The following DACH2 variants were observed in gnomAD, a reference collection of about 807,000 sequenced individuals.
The protein encoded by DACH2 is dachshund homolog 2.
In DACH2, 17 loss-of-function variants were observed where a neutral mutation model predicts 35.8. The ratio of observed to expected loss-of-function variants is 0.48; its 90% confidence interval spans 0.33 to 0.71. The LOEUF (loss-of-function observed/expected upper bound fraction) is 0.71. Among genes scored for constraint, DACH2 ranks in the 30% least tolerant of loss-of-function variants. The probability of loss-of-function intolerance (pLI) is 0.02; values close to 1 mark genes in which losing one functional copy is unlikely to be tolerated. For missense variants in DACH2, 469 were observed against 472.7 expected (o/e 0.99, Z 0.07); for synonymous variants, 195 against 177.3 (o/e 1.10, Z -0.79).
intron 3 of DACH2, among the ~76,000 whole-genome samples, chrX:86,640,086 A>G (rs1010366108): frequency 9.0e-6 from 1 of 110,889 alleles, no homozygotes; most frequent in African/African-American, 3.3e-5. Context: ...GCGGGCCCCA[A>G]GCATACTGCA....
intron 1 of DACH2, among the ~76,000 whole-genome samples, chrX:86,180,977 A>T (rs779256560): frequency 9.0e-6 from 1 of 110,756 alleles, no homozygotes; most frequent in Non-Finnish European, 1.9e-5. Flanking sequence ...TGTGGAAGTG[A>T]AGGGTGAGTC....
chrX:86,219,235 T>C (rs1401513134), intron 1 of DACH2, among the ~76,000 whole-genome samples: 2 of 111,011 alleles, frequency 1.8e-5, no homozygotes, highest in Non-Finnish European at 3.8e-5. Context: ...GTTTATGGTC[T>C]CTAGGGAATT....
chrX:86,629,076 T>C (rs1205957369), intron 3 of DACH2, among the ~76,000 whole-genome samples: 1 of 111,945 alleles, frequency 8.9e-6, no homozygotes, highest in African/African-American at 3.2e-5. Context: ...TTGCCAAGTA[T>C]TGCTGGTTTT....
At chrX:86,770,004 A>T (rs967870183) in intron 7 of DACH2, among the ~76,000 whole-genome samples, 15 of 109,380 alleles carry the variant, frequency 1.4e-4, no homozygotes, top group African/African-American at 3.3e-4. Context: ...TCTATAAAAA[A>T]AATAAATAAA....
chrX:86,537,865 C>G (rs1266393634), intron 3 of DACH2, among the ~76,000 whole-genome samples: 1 of 111,224 alleles, frequency 9.0e-6, no homozygotes, highest in African/African-American at 3.3e-5. Flanking sequence ...TGAAAATGGC[C>G]GGTTCCTGCC....
chrX:86,667,305 A>AGAAGGAAGGAAGGAAGGAAGGAAG (rs746792252), intron 4 of DACH2, among the ~76,000 whole-genome samples: 29 of 33,931 alleles, frequency 8.5e-4, no homozygotes, highest in South Asian at 6.0e-3. Context: ...AAGGAAGGAA[A>AGAAGGAAGGAAGGAAGGAAGGAAG]GAAGGAAGGA....
At chrX:86,647,863 A>T (rs773140290) in intron 3 of DACH2, among the ~76,000 whole-genome samples, 1 of 110,966 alleles carries the variant, frequency 9.0e-6, no homozygotes, top group African/African-American at 3.3e-5. Flanking sequence ...AGTAGTTTTT[A>T]AAAAAGAAAA....
intron 3 of DACH2, among the ~76,000 whole-genome samples, chrX:86,579,620 C>A (rs1349768706): frequency 8.9e-6 from 1 of 111,848 alleles, no homozygotes; most frequent in African/African-American, 3.3e-5. Flanking sequence ...TGTTTTTACT[C>A]TCTTAAAAGT....
At chrX:86,519,662 G>T (rs2038522669) in intron 3 of DACH2, among the ~76,000 whole-genome samples, 2 of 110,920 alleles carry the variant, frequency 1.8e-5, no homozygotes, top group Non-Finnish European at 3.8e-5. Flanking sequence ...TCTCTTGTAG[G>T]TTTTTTAATT....
Position 86,695,056 on chromosome X carries a change from C to T in DACH2, c.808C>T (p.Gln270Ter). ...ATCCTCCTGGGATAAAGATAAGATG[C>T]AGTCTCCATTTGCTGCACCTGGACC... ...SESSWDKDKM[Q>*]SPFAAPGPQH... Residue 270 changes from glutamine (Q) to a stop codon, truncating the protein, a stop_gained, in exon 5 of 12, where the codon CAG becomes TAG. Coordinates refer to ENST00000373125, the MANE Select transcript of DACH2 (RefSeq NM_053281.3). LOFTEE classifies it high-confidence loss of function. 1 of 1,133,182 alleles carries T rather than the reference C, an allele frequency of 8.8e-7. No individual in the cohort carries two copies. The highest frequency in any genetic ancestry group is 1.2e-6 in the Non-Finnish European group (1 of 854,698). 93.4% of individuals were successfully genotyped at this position (1,133,182 alleles called of 1,213,427 possible).
At chrX:86,339,835 A>G (rs903468335) in intron 1 of DACH2, among the ~76,000 whole-genome samples, 4 of 112,143 alleles carry the variant, frequency 3.6e-5, no homozygotes, top group African/African-American at 9.7e-5. Flanking sequence ...TATCCACTAT[A>G]AATTCAACCC....
At chrX:86,744,805 G>A (rs927564804) in intron 7 of DACH2, among the ~76,000 whole-genome samples, 3 of 111,630 alleles carry the variant, frequency 2.7e-5, no homozygotes, top group African/African-American at 9.7e-5. Context: ...CACAGACTAT[G>A]TCAAATAAAT....
chrX:86,294,667 G>T (rs2034401264), intron 1 of DACH2, among the ~76,000 whole-genome samples: 1 of 110,359 alleles, frequency 9.1e-6, no homozygotes. Flanking sequence ...CTGCAGGTCT[G>T]TTGGAGTACT....
intron 2 of DACH2, among the ~76,000 whole-genome samples, chrX:86,399,987 G>A (rs1191890352): frequency 8.9e-6 from 1 of 111,748 alleles, no homozygotes; most frequent in African/African-American, 3.3e-5. Context: ...TTCCAACTTG[G>A]TTCCATTCTC....
intron 2 of DACH2, among the ~76,000 whole-genome samples, chrX:86,467,588 C>T (rs1602552890): frequency 9.0e-6 from 1 of 111,630 alleles, no homozygotes; most frequent in African/African-American, 3.3e-5. Context: ...TTACCTGATT[C>T]CAATGTTGCC....
intron 1 of DACH2, among the ~76,000 whole-genome samples, chrX:86,313,812 C>T (rs2034845395): frequency 1.8e-5 from 2 of 111,563 alleles, no homozygotes; most frequent in East Asian, 2.8e-4. Context: ...CAGGCATTTC[C>T]TTTTTAACAA....
At chrX:86,382,647 G>C (rs1166443564) in intron 2 of DACH2, among the ~76,000 whole-genome samples, 1 of 110,784 alleles carries the variant, frequency 9.0e-6, no homozygotes, top group Non-Finnish European at 1.9e-5. Flanking sequence ...ATATAAATCA[G>C]TTAATCTCTT....
intron 3 of DACH2, among the ~76,000 whole-genome samples, chrX:86,590,376 A>T (rs2039628118): frequency 1.8e-5 from 2 of 111,841 alleles, no homozygotes; most frequent in Middle Eastern, 4.6e-3. Context: ...ATGAAATCTA[A>T]TAAGTCCTGG....
chrX:86,230,581 G>A (rs1457755962), intron 1 of DACH2, among the ~76,000 whole-genome samples: 1 of 111,318 alleles, frequency 9.0e-6, no homozygotes, highest in East Asian at 2.8e-4. Flanking sequence ...TTCTTTGAAT[G>A]TCTGGTAGAA....
Sources: gnomAD v4.1 joint callset for allele counts (sites outside exome capture counted in the v4.1 genomes callset) on GRCh38, gnomAD v4.1.1 for gene constraint, MANE v1.5 for transcripts, NCBI Gene and HGNC (gene_info 2026-07-23, HGNC 2026-07-21) for gene names.